Variants in GGACT observed in about 807,000 individuals in gnomAD.
The protein encoded by GGACT is gamma-glutamylaminecyclotransferase.
For synonymous variants in GGACT, 118 were observed against 115.3 expected (o/e 1.02, Z -0.15); for missense variants, 241 against 233.2 (o/e 1.03, Z -0.22).
Position 100,551,658 on chromosome 13 carries a change from AG to A in GGACT, c.-10-19058del, listed in dbSNP as rs2088665733. On this transcript the variant is annotated intron_variant, in intron 2 of 2. Coordinates refer to ENST00000683975, the MANE Select transcript of GGACT (RefSeq NM_001195087.2). ...CCAGGACCCCCAGGCTGTGCTGTCC[AG>A]GGGGCACCTGTGCCCAGGCAGAGAA... Among the ~76,000 whole-genome samples the A allele has an allele frequency of 2.6e-5, 4 of 152,320 alleles. No individual in the cohort carries two copies. In the South Asian group the frequency reaches 8.3e-4, roughly 32 times the overall value.
chr13:100,549,414 T>C (rs889174845), intron 2 of GGACT, among the ~76,000 whole-genome samples: 2 of 152,134 alleles, frequency 1.3e-5, no homozygotes, highest in African/African-American at 4.8e-5. Context: ...ACAGCGCCAT[T>C]CTAATCCAGG....
intron 2 of GGACT, among the ~76,000 whole-genome samples, chr13:100,535,417 G>A (rs2088477309): frequency 6.6e-6 from 1 of 152,188 alleles, no homozygotes; most frequent in African/African-American, 2.4e-5. Context: ...TGGTTCTAAA[G>A]CACAGACTTT....
At chr13:100,586,103 T>C (rs1367625036) in intron 1 of GGACT, among the ~76,000 whole-genome samples, 1 of 152,192 alleles carries the variant, frequency 6.6e-6, no homozygotes, top group African/African-American at 2.4e-5. Context: ...GATCATGGAC[T>C]AGGTTTTAGA....
At chr13:100,546,361 CAAAAAAAAAAAA>C (rs778470021) in intron 2 of GGACT, among the ~76,000 whole-genome samples, 1 of 54,624 alleles carries the variant, frequency 1.8e-5, no homozygotes, top group Non-Finnish European at 3.6e-5. Context: ...GACTCTGTCT[CAAAAAAAAAAAA>C]AAAAAAAAAA....
intron 2 of GGACT, among the ~76,000 whole-genome samples, chr13:100,562,582 G>A (rs1246739105): frequency 6.6e-6 from 1 of 152,068 alleles, no homozygotes; most frequent in Non-Finnish European, 1.5e-5. Flanking sequence ...GATCACCTGA[G>A]GTCACGAGTT....
chr13:100,540,218 C>A (rs2088540179), intron 2 of GGACT: 1 of 1,426,864 alleles, frequency 7.0e-7, no homozygotes, highest in Non-Finnish European at 9.8e-7. Flanking sequence ...CCCTTTTTGG[C>A]ACGACCATTG....
rs1236769224 is a variant in GGACT at position 100,530,395 on chromosome 13, AGT to A, written c.*1733_*1734del. ...TTGTACTTCTGCTGTGAGATTCCCT[AGT>A]GTCAAAATTAAATCAATAAAACTGA... On this transcript the variant is annotated 3_prime_UTR_variant, in exon 3 of 3. Coordinates refer to ENST00000683975, the MANE Select transcript of GGACT (RefSeq NM_001195087.2). The A allele has an allele frequency of 1.7e-6, 1 of 600,550 alleles. No individual in the cohort carries two copies. The highest frequency in any genetic ancestry group is 1.9e-5 in the African/African-American group (1 of 53,992). The allele number at this position is 600,550 out of a possible 1,614,324, so 37.2% of individuals were successfully genotyped here.
intron 2 of GGACT, among the ~76,000 whole-genome samples, chr13:100,567,825 C>T (rs1262883283): frequency 1.3e-5 from 2 of 152,214 alleles, no homozygotes; most frequent in Admixed American, 1.3e-4. Flanking sequence ...TCTTCTTTGA[C>T]ACTGGGAAAC....
chr13:100,534,692 C>A lies in GGACT; in HGVS notation c.-10-2091G>T, dbSNP rs1219846986. On this transcript the variant is annotated intron_variant, in intron 2 of 2. Transcript: ENST00000683975. This position sits in a 1 kb window ranked among gnomAD's most constrained non-coding sequence, Gnocchi z 4.9. The stretch of plus-strand genomic sequence containing the variant: ...CCCTCCCCACACCTGCATCCCAGCC[C>A]CCAGCGAGACCCATCAGCACTTCCC... Among the ~76,000 whole-genome samples, 2 of 152,124 alleles carry A rather than the reference C, an allele frequency of 1.3e-5. No homozygotes were observed. Among genetic ancestry groups the A allele is most frequent in the East Asian group, 3.9e-4 (2 of 5,186 alleles).
At chr13:100,566,856 G>A (rs1308499678) in intron 2 of GGACT, among the ~76,000 whole-genome samples, 1 of 152,198 alleles carries the variant, frequency 6.6e-6, no homozygotes. Flanking sequence ...TCCTGATAAC[G>A]TGCTTTACAG....
Position 100,532,423 on chromosome 13 carries a change from G to A in GGACT, c.169C>T (p.Pro57Ser). The stretch of plus-strand genomic sequence containing the variant: ...CCCTCCACGAGGCGCCCCGAGCCGG[G>A]CAGGTGCAGCAGCCACGGGATGTTG... ...EHNIPWLLHL[P>S]GSGRLVEGEV... The change falls in exon 3 of 3, where the codon CCC becomes TCC. Residue 57 changes from proline (P) to serine (S), a missense_variant. By Grantham distance (74) the Pro-to-Ser change is moderately conservative. Transcript: ENST00000683975. The A allele has an allele frequency of 6.5e-7, 1 of 1,550,022 alleles. No individual in the cohort carries two copies. The highest frequency in any genetic ancestry group is 8.7e-7 in the Non-Finnish European group (1 of 1,146,636).
At chr13:100,561,560 C>T (rs538575583) in intron 2 of GGACT, among the ~76,000 whole-genome samples, 1 of 152,128 alleles carries the variant, frequency 6.6e-6, no homozygotes, top group African/African-American at 2.4e-5. Flanking sequence ...CTATTAACAC[C>T]AGGATGAGAT....
chr13:100,548,242 C>T (rs543232596), intron 2 of GGACT, among the ~76,000 whole-genome samples: 1 of 152,216 alleles, frequency 6.6e-6, no homozygotes, highest in Non-Finnish European at 1.5e-5. Context: ...CATTTGGAAC[C>T]TTTGGGCTAG....
intron 2 of GGACT, among the ~76,000 whole-genome samples, chr13:100,546,204 C>G (rs915748889): frequency 6.6e-6 from 1 of 151,038 alleles, no homozygotes; most frequent in African/African-American, 2.4e-5. Context: ...ACTAAAAATA[C>G]AAAAAAAATT....
intron 2 of GGACT, among the ~76,000 whole-genome samples, chr13:100,554,834 G>C (rs931800697): frequency 5.9e-5 from 9 of 152,138 alleles, no homozygotes; most frequent in African/African-American, 2.2e-4. Flanking sequence ...ACGAGAGAGA[G>C]AGAAAAGAAA....
At chr13:100,580,770 G>T (rs1875391833) in intron 2 of GGACT, among the ~76,000 whole-genome samples, 1 of 152,138 alleles carries the variant, frequency 6.6e-6, no homozygotes, top group Non-Finnish European at 1.5e-5. Flanking sequence ...ATGTTCTCAA[G>T]GTAGTAGGAT....
At chr13:100,565,357 G>T (rs965840918) in intron 2 of GGACT, among the ~76,000 whole-genome samples, 1 of 152,150 alleles carries the variant, frequency 6.6e-6, no homozygotes, top group Non-Finnish European at 1.5e-5. Flanking sequence ...ACCTGACAAC[G>T]TTAACAGCTT....
intron 2 of GGACT, among the ~76,000 whole-genome samples, chr13:100,574,380 A>G (rs944061811): frequency 2.6e-5 from 4 of 152,178 alleles, no homozygotes; most frequent in African/African-American, 9.7e-5. Flanking sequence ...GTTTGAGACC[A>G]GCCTGGACAA....
Position 100,532,176 on chromosome 13 carries a change from G to C in GGACT, c.416C>G (p.Ser139Cys). The C allele has an allele frequency of 6.8e-7, 1 of 1,464,198 alleles. No homozygotes were observed. The highest frequency in any genetic ancestry group is 9.1e-7 in the Non-Finnish European group (1 of 1,101,832). 90.7% of individuals were successfully genotyped at this position (1,464,198 alleles called of 1,614,324 possible). ...GTAGCGCAGCCCGTGCGGCCCCTCG[G>C]AGTCGTAGCTGTCATGGTGCGGGAG... ...AQLPHHDSYD[S>C]EGPHGLRYNP... The change falls in exon 3 of 3, where the codon TCC becomes TGC. Residue 139 changes from serine (S) to cysteine (C), a missense_variant. By Grantham distance (112) the Ser-to-Cys change is moderately radical (BLOSUM62 -1). Coordinates refer to ENST00000683975, the MANE Select transcript of GGACT (RefSeq NM_001195087.2).
Sources: allele counts gnomAD v4.1 joint callset (sites outside exome capture counted in the v4.1 genomes callset), GRCh38; gene constraint gnomAD v4.1.1; non-coding constraint Gnocchi (gnomAD v3.1); transcripts MANE v1.5; gene names NCBI Gene and HGNC (gene_info 2026-07-23, HGNC 2026-07-21).